Variants in HS6ST3 observed in about 807,000 individuals in gnomAD.
HS6ST3 encodes heparan-sulfate 6-O-sulfotransferase 3.
Under a neutral mutation model 36.7 loss-of-function variants are expected in HS6ST3, and 12 were observed. The observed-to-expected ratio is 0.33, with a 90% CI of 0.21 to 0.53. The LOEUF (loss-of-function observed/expected upper bound fraction) is 0.53. Among genes scored for constraint, HS6ST3 ranks in the 20% least tolerant of loss-of-function variants. The pLI is 0.95. For synonymous variants in HS6ST3, 240 were observed against 257.5 expected (o/e 0.93, Z 0.65); for missense variants, 584 against 640.9 (o/e 0.91, Z 0.96).
At chr13:96,737,992 A>T (rs1314242215) in intron 1 of HS6ST3, among the ~76,000 whole-genome samples, 1 of 152,190 alleles carries the variant, frequency 6.6e-6, no homozygotes, top group African/African-American at 2.4e-5. Context: ...CACGTAGTCC[A>T]GGATAATATC....
At chr13:96,588,057 C>T (rs1037271974) in intron 1 of HS6ST3, among the ~76,000 whole-genome samples, 1 of 151,940 alleles carries the variant, frequency 6.6e-6, no homozygotes, top group Non-Finnish European at 1.5e-5. Flanking sequence ...AGATAGTTTG[C>T]TCTTAGTCAA....
At chr13:96,197,784 C>T (rs925638442) in intron 1 of HS6ST3, among the ~76,000 whole-genome samples, 5 of 152,176 alleles carry the variant, frequency 3.3e-5, no homozygotes, top group African/African-American at 1.2e-4. Context: ...TCTAAATGAT[C>T]TCCAGCTTTC....
intron 1 of HS6ST3, among the ~76,000 whole-genome samples, chr13:96,190,986 A>G (rs1337572684): frequency 3.9e-5 from 6 of 152,144 alleles, no homozygotes; most frequent in East Asian, 1.9e-4. Flanking sequence ...GCCGCAATCA[A>G]TGTGGTTCAA....
At chr13:96,772,224 G>C (rs1417463732) in intron 1 of HS6ST3, among the ~76,000 whole-genome samples, 1 of 152,178 alleles carries the variant, frequency 6.6e-6, no homozygotes, top group Admixed American at 6.5e-5. Flanking sequence ...CAGCTGCCTC[G>C]GGCCTCCTGC....
intron 1 of HS6ST3, among the ~76,000 whole-genome samples, chr13:96,790,752 A>G (rs1877767533): frequency 6.6e-6 from 1 of 152,046 alleles, no homozygotes; most frequent in African/African-American, 2.4e-5. Context: ...CCTGTGCAGG[A>G]AGGTTTGCAT....
intron 1 of HS6ST3, among the ~76,000 whole-genome samples, chr13:96,223,722 T>C (rs1469778948): frequency 6.6e-6 from 1 of 152,128 alleles, no homozygotes; most frequent in East Asian, 1.9e-4. Context: ...ACTTGGGGGA[T>C]GGTAGAAGAA....
intron 1 of HS6ST3, among the ~76,000 whole-genome samples, chr13:96,487,729 G>A (rs756846200): frequency 4.6e-5 from 7 of 152,180 alleles, no homozygotes; most frequent in Middle Eastern, 3.4e-3. Flanking sequence ...ACAAAGGAGA[G>A]CAAATAATTA....
chr13:96,378,329 T>G (rs1231295596), intron 1 of HS6ST3, among the ~76,000 whole-genome samples: 2 of 152,190 alleles, frequency 1.3e-5, no homozygotes, highest in Non-Finnish European at 2.9e-5. Context: ...GAGGCCTTAC[T>G]GCAGTAGTTT....
intron 1 of HS6ST3, among the ~76,000 whole-genome samples, chr13:96,171,362 G>A (rs80278235): frequency 0.016 from 2,389 of 152,116 alleles, 62 homozygotes; most frequent in African/African-American, 0.055. Flanking sequence ...TTTCTTTGGC[G>A]ACAGGGAAGC....
intron 1 of HS6ST3, among the ~76,000 whole-genome samples, chr13:96,224,068 G>C (rs2054468855): frequency 6.6e-6 from 1 of 151,522 alleles, no homozygotes; most frequent in African/African-American, 2.4e-5. Flanking sequence ...GCATGACTCA[G>C]CCTAATAGCA....
chr13:96,387,638 T>C (rs1475212106), intron 1 of HS6ST3, among the ~76,000 whole-genome samples: 1 of 152,228 alleles, frequency 6.6e-6, no homozygotes, highest in Non-Finnish European at 1.5e-5. Context: ...TTGTACTTCA[T>C]TATTCTATAC....
intron 1 of HS6ST3, among the ~76,000 whole-genome samples, chr13:96,551,318 A>ATG (rs1201618530): frequency 1.3e-5 from 2 of 152,208 alleles, no homozygotes; most frequent in Non-Finnish European, 2.9e-5. Context: ...TCTATAGTTA[A>ATG]TGAACAGGCA....
intron 1 of HS6ST3, among the ~76,000 whole-genome samples, chr13:96,725,096 T>C (rs373551538): frequency 1.6e-4 from 25 of 152,338 alleles, no homozygotes; most frequent in African/African-American, 6.0e-4. Flanking sequence ...CAGTATCTGA[T>C]AGTGCTTTTA....
At chr13:96,541,642 G>A (rs2056178216) in intron 1 of HS6ST3, among the ~76,000 whole-genome samples, 4 of 152,166 alleles carry the variant, frequency 2.6e-5, no homozygotes. Flanking sequence ...TAATGAGAAT[G>A]ATAACTTTAC....
chr13:96,144,096 C>CT (rs2054044784), intron 1 of HS6ST3, among the ~76,000 whole-genome samples: 1 of 152,086 alleles, frequency 6.6e-6, no homozygotes. Context: ...CCTGCTGTTG[C>CT]TTAACCATAT....
At chr13:96,700,716 C>T (rs1875262540) in intron 1 of HS6ST3, among the ~76,000 whole-genome samples, 1 of 152,092 alleles carries the variant, frequency 6.6e-6, no homozygotes, top group Non-Finnish European at 1.5e-5. Flanking sequence ...GAAAAATTAT[C>T]CACTGTAAGG....
chr13:96,238,446 A>G (rs2139371298), intron 1 of HS6ST3, among the ~76,000 whole-genome samples: 1 of 152,278 alleles, frequency 6.6e-6, no homozygotes, highest in Middle Eastern at 3.4e-3. Context: ...GATGGCCGAC[A>G]AGGCTCTTTT....
intron 1 of HS6ST3, among the ~76,000 whole-genome samples, chr13:96,112,693 A>G (rs548095595): frequency 1.4e-5 from 2 of 145,388 alleles, no homozygotes; most frequent in East Asian, 4.1e-4. Context: ...ACTTGATCCC[A>G]TGAGTTGGAG....
chr13:96,182,464 A>G (rs2054244460), intron 1 of HS6ST3, among the ~76,000 whole-genome samples: 1 of 152,224 alleles, frequency 6.6e-6, no homozygotes, highest in South Asian at 2.1e-4. Flanking sequence ...ATGAGGGAAA[A>G]CTGCAATTAG....
Sources: gnomAD v4.1 joint callset for allele counts (sites outside exome capture counted in the v4.1 genomes callset) on GRCh38, gnomAD v4.1.1 for gene constraint, MANE v1.5 for transcripts, NCBI Gene and HGNC (gene_info 2026-07-23, HGNC 2026-07-21) for gene names.